Variants in DIP2C observed in about 807,000 individuals in gnomAD.
The protein encoded by DIP2C is DIP2 acetate--CoA ligase C (putative), also known as disco-interacting protein 2 homolog C.
DIP2C carries 33 observed loss-of-function variants against 192.4 expected under a neutral mutation model. The ratio of observed to expected loss-of-function variants is 0.17; its 90% CI spans 0.13 to 0.23. DIP2C has a LOEUF of 0.23. Among genes scored for constraint, DIP2C ranks in the 10% least tolerant of loss-of-function variants. The probability of loss-of-function intolerance (pLI) is 1.00; values close to 1 mark genes in which losing one functional copy is unlikely to be tolerated. For synonymous variants in DIP2C, 979 were observed against 864.1 expected (o/e 1.13, Z -2.33); for missense variants, 1,537 against 2,110.1 (o/e 0.73, Z 5.32).
intron 3 of DIP2C, among the ~76,000 whole-genome samples, chr10:467,564 GTA>G (rs1970320241): frequency 2.3e-5 from 1 of 43,342 alleles, no homozygotes; most frequent in African/African-American, 4.0e-5. Flanking sequence ...TTATTTAAGT[GTA>G]AAAAAAAAAA....
intron 3 of DIP2C, among the ~76,000 whole-genome samples, chr10:456,239 C>T (rs544933276): frequency 1.4e-3 from 97 of 69,000 alleles, no homozygotes; most frequent in Admixed American, 3.2e-3. Flanking sequence ...GAGGGGAGGC[C>T]GTGAGGAGTA....
chr10:432,691 G>A (rs1966876634), intron 4 of DIP2C, among the ~76,000 whole-genome samples: 1 of 151,890 alleles, frequency 6.6e-6, no homozygotes, highest in African/African-American at 2.4e-5. Flanking sequence ...TTTGTCTCCT[G>A]CTTACTTAGA....
intron 1 of DIP2C, among the ~76,000 whole-genome samples, chr10:656,963 C>CCATT (rs375304575): frequency 1.8e-4 from 28 of 152,324 alleles, no homozygotes; most frequent in African/African-American, 6.5e-4. Context: ...TGGCAGTAGG[C>CCATT]TCTACTAATA....
At position 577,490 on chromosome 10, in the gene DIP2C, G is replaced by A. The variant is rs151080135; in HGVS notation, c.86-90960C>T. On this transcript the variant is annotated intron_variant, in intron 1 of 36. Transcript: ENST00000280886. ...TCTCTATGAAGGTGGTAAGAGCTTC[G>A]CGAGTCGCAGAGCCTCGTATTCCTA... 1.7e-3 allele frequency among the ~76,000 whole-genome samples: 261 copies of A among 152,300 alleles called. 2 individuals are homozygous for A. The highest frequency in any genetic ancestry group is 5.4e-3 in the African/African-American group (225 of 41,560).
chr10:409,947 T>C (rs1252780793), intron 8 of DIP2C, among the ~76,000 whole-genome samples: 1 of 152,228 alleles, frequency 6.6e-6, no homozygotes, highest in East Asian at 1.9e-4. Flanking sequence ...GTAGTCAAGG[T>C]GTTAGAAGAC....
intron 1 of DIP2C, among the ~76,000 whole-genome samples, chr10:568,351 G>A (rs923212293): frequency 6.6e-6 from 1 of 152,202 alleles, no homozygotes; most frequent in South Asian, 2.1e-4. Flanking sequence ...GAGTTCTACC[G>A]TGGGGTGAGA....
At chr10:548,223 G>C (rs963066325) in intron 1 of DIP2C, among the ~76,000 whole-genome samples, 4 of 42,026 alleles carry the variant, frequency 9.5e-5, no homozygotes, top group Non-Finnish European at 2.1e-4. Flanking sequence ...CCCCCCCACA[G>C]GAAAGCCCTG....
chr10:670,215 T>C (rs931427397), intron 1 of DIP2C, among the ~76,000 whole-genome samples: 2 of 151,850 alleles, frequency 1.3e-5, no homozygotes, highest in Non-Finnish European at 2.9e-5. Flanking sequence ...TATGCACACA[T>C]ACGCACACGC....
chr10:410,213 A>G (rs935011180), intron 8 of DIP2C, among the ~76,000 whole-genome samples: 3 of 152,262 alleles, frequency 2.0e-5, no homozygotes, highest in African/African-American at 7.2e-5. Context: ...GAGAATGATT[A>G]TCTTTGATTG....
chr10:372,625 G>C (rs761818587), intron 17 of DIP2C, among the ~76,000 whole-genome samples: 1 of 152,010 alleles, frequency 6.6e-6, no homozygotes, highest in Non-Finnish European at 1.5e-5. Context: ...ACGGCCCCGG[G>C]ATTCTTTCCT....
chr10:589,544 G>A (rs889833298), intron 1 of DIP2C, among the ~76,000 whole-genome samples: 17 of 152,118 alleles, frequency 1.1e-4, no homozygotes, highest in African/African-American at 3.1e-4. Context: ...ATGGCTGTCC[G>A]ATAATTCCAG....
chr10:285,733 G>A (rs758643221), intron 34 of DIP2C, among the ~76,000 whole-genome samples: 6 of 152,252 alleles, frequency 3.9e-5, no homozygotes, highest in African/African-American at 7.2e-5. Flanking sequence ...GCTGCATCCC[G>A]CCAGTGCGGA....
intron 9 of DIP2C, among the ~76,000 whole-genome samples, chr10:399,456 T>A (rs979353569): frequency 5.3e-5 from 8 of 152,238 alleles, no homozygotes; most frequent in African/African-American, 1.9e-4. Context: ...CTGCCTTTAT[T>A]TTCTGCATAC....
intron 7 of DIP2C, among the ~76,000 whole-genome samples, chr10:414,369 G>A (rs1327011952): frequency 2.0e-5 from 3 of 152,128 alleles, no homozygotes; most frequent in Non-Finnish European, 4.4e-5. Flanking sequence ...ACTGATAACA[G>A]GTGGAAACTG....
intron 2 of DIP2C, among the ~76,000 whole-genome samples, chr10:475,697 C>G (rs777953857): frequency 1.3e-5 from 2 of 152,158 alleles, no homozygotes; most frequent in African/African-American, 4.8e-5. Context: ...TGCAATAAGA[C>G]GGCAAAAGAA....
intron 2 of DIP2C, among the ~76,000 whole-genome samples, chr10:474,273 A>C (rs139444417): frequency 1.0e-3 from 153 of 152,284 alleles, no homozygotes; most frequent in African/African-American, 3.4e-3. Context: ...GGTCATCAAC[A>C]TCAGCGTCCG....
Position 384,554 on chromosome 10 carries a change from T to A in DIP2C, c.1748A>T (p.Gln583Leu). ...NPLSWIQKVC[Q>L]YKAKVACVKS... ...CGCCCGGCGAGACCCACCTTTGTAC[T>A]GGCAGACCTTCTGGATCCAGGAGAG... The change falls in exon 15 of 37, where the codon CAG (glutamine) becomes CTG (leucine). Residue 583 changes from glutamine (Q) to leucine (L), a missense_variant. Gln to Leu is a moderately radical substitution (Grantham distance 113). Transcript: ENST00000280886. 1 of 1,613,856 alleles carries A rather than the reference T, an allele frequency of 6.2e-7. No homozygotes were observed. Among genetic ancestry groups the A allele is most frequent in the African/African-American group, 1.3e-5 (1 of 75,018 alleles).
chr10:427,516 C>T (rs1417701703), intron 4 of DIP2C, among the ~76,000 whole-genome samples: 6 of 152,250 alleles, frequency 3.9e-5, no homozygotes, highest in African/African-American at 1.4e-4. Flanking sequence ...CTGTAAAAGT[C>T]GTTCAGATCG....
intron 9 of DIP2C, among the ~76,000 whole-genome samples, chr10:406,997 A>G (rs1964853498): frequency 6.6e-6 from 1 of 151,618 alleles, no homozygotes; most frequent in Non-Finnish European, 1.5e-5. Context: ...ACCAATCAGC[A>G]CTCCCCACTT....
Sources: allele counts gnomAD v4.1 joint callset (sites outside exome capture counted in the v4.1 genomes callset), GRCh38; gene constraint gnomAD v4.1.1; transcripts MANE v1.5; gene names NCBI Gene and HGNC (gene_info 2026-07-23, HGNC 2026-07-21).